Variants in MACROD2 observed in about 807,000 individuals in gnomAD.
MACROD2 encodes the protein mono-ADP ribosylhydrolase 2, also known as ADP-ribose glycohydrolase MACROD2.
Under a neutral mutation model 70.4 loss-of-function variants are expected in MACROD2, and 36 were observed. The observed-to-expected ratio is 0.51, with a 90% confidence interval of 0.39 to 0.68. MACROD2 has a LOEUF of 0.68. MACROD2 is among the 30% of genes least tolerant of loss of function. The pLI is 0.00. For missense variants in MACROD2, 496 were observed against 538.4 expected (o/e 0.92, Z 0.78); for synonymous variants, 172 against 178.8 (o/e 0.96, Z 0.30).
rs549223692 is a variant in MACROD2 at position 15,230,431 on chromosome 20, A to G, written c.540+370A>G. Among the ~76,000 whole-genome samples, 3 of 152,218 alleles carry G rather than the reference A, an allele frequency of 2.0e-5. No homozygotes were observed. In the East Asian group the frequency reaches 5.8e-4, roughly 29 times the overall value. On this transcript the variant is annotated intron_variant, in intron 6 of 17. Transcript: ENST00000684519. ...TTATGATAGCGCACATTTAATATAT[A>G]TTGGTTGTATGCTTGTGCATTCTGG...
At chr20:14,427,185 G>A (rs1423106752) in intron 3 of MACROD2, among the ~76,000 whole-genome samples, 6 of 150,154 alleles carry the variant, frequency 4.0e-5, no homozygotes, top group South Asian at 2.1e-4. Flanking sequence ...GATTTTATTC[G>A]TCCTCTGTCT....
chr20:14,075,080 A>G (rs1342839839), intron 2 of MACROD2, among the ~76,000 whole-genome samples: 6 of 152,172 alleles, frequency 3.9e-5, no homozygotes, highest in African/African-American at 1.2e-4. Flanking sequence ...GCCCCAAAGC[A>G]CAAGAGTAGT....
chr20:14,883,051 TG>T (rs1386224603), intron 5 of MACROD2, among the ~76,000 whole-genome samples: 1 of 152,200 alleles, frequency 6.6e-6, no homozygotes, highest in African/African-American at 2.4e-5. Flanking sequence ...TGAGTAATGA[TG>T]GTAATACTGT....
At chr20:14,461,392 AT>A (rs1194645533) in intron 3 of MACROD2, among the ~76,000 whole-genome samples, 5 of 151,370 alleles carry the variant, frequency 3.3e-5, no homozygotes, top group African/African-American at 1.2e-4. Context: ...GGATTCACTG[AT>A]TTTTTTGAAG....
chr20:14,242,763 C>T (rs779521421), intron 3 of MACROD2, among the ~76,000 whole-genome samples: 2 of 152,028 alleles, frequency 1.3e-5, no homozygotes, highest in African/African-American at 4.8e-5. Flanking sequence ...TTTTCTATTG[C>T]AAGCAAATAA....
intron 4 of MACROD2, among the ~76,000 whole-genome samples, chr20:14,557,288 G>T (rs915089665): frequency 2.0e-5 from 3 of 151,896 alleles, no homozygotes; most frequent in Non-Finnish European, 4.4e-5. Flanking sequence ...GAAAGCATAG[G>T]TGTAAAATTC....
chr20:15,614,150 C>A (rs1260274092), intron 8 of MACROD2, among the ~76,000 whole-genome samples: 1 of 152,186 alleles, frequency 6.6e-6, no homozygotes, highest in Non-Finnish European at 1.5e-5. Flanking sequence ...TTAATTACTT[C>A]CATATTCTGT....
At chr20:14,142,578 A>C (rs1472369870) in intron 3 of MACROD2, among the ~76,000 whole-genome samples, 1 of 152,154 alleles carries the variant, frequency 6.6e-6, no homozygotes, top group African/African-American at 2.4e-5. Context: ...CTGCCACCAC[A>C]CTTATTATTT....
chr20:15,908,807 G>A (rs1188990737), intron 10 of MACROD2, among the ~76,000 whole-genome samples: 1 of 152,176 alleles, frequency 6.6e-6, no homozygotes, highest in African/African-American at 2.4e-5. Context: ...ACTAAGCCAA[G>A]CATCTTATAC....
intron 3 of MACROD2, among the ~76,000 whole-genome samples, chr20:14,137,485 T>C (rs1256166383): frequency 6.6e-6 from 1 of 152,118 alleles, no homozygotes; most frequent in East Asian, 1.9e-4. Context: ...GGTCTAGAGG[T>C]GATTAACTAT....
chr20:14,889,221 T>C (rs2073719839), intron 5 of MACROD2, among the ~76,000 whole-genome samples: 1 of 152,164 alleles, frequency 6.6e-6, no homozygotes, highest in Non-Finnish European at 1.5e-5. Context: ...TTATTCAGTG[T>C]ATACTACTGG....
intron 5 of MACROD2, among the ~76,000 whole-genome samples, chr20:14,701,578 C>T (rs577662271): frequency 1.3e-5 from 2 of 152,258 alleles, no homozygotes; most frequent in South Asian, 4.1e-4. Context: ...GAGGTTTTAA[C>T]TTATTAGTTA....
chr20:16,038,077 G>C (rs2067258609), intron 15 of MACROD2, among the ~76,000 whole-genome samples: 1 of 151,020 alleles, frequency 6.6e-6, no homozygotes, highest in Non-Finnish European at 1.5e-5. Context: ...AGATGTCATT[G>C]CATCATCTCT....
intron 8 of MACROD2, among the ~76,000 whole-genome samples, chr20:15,692,331 C>G (rs1480589164): frequency 3.9e-5 from 6 of 152,178 alleles, no homozygotes; most frequent in Non-Finnish European, 1.5e-5. Flanking sequence ...GCATGCCTGT[C>G]TTTCCCAGGC....
chr20:15,305,857 A>G (rs1399723488), intron 6 of MACROD2, among the ~76,000 whole-genome samples: 1 of 152,190 alleles, frequency 6.6e-6, no homozygotes, highest in Non-Finnish European at 1.5e-5. Flanking sequence ...TTTTGAATGT[A>G]ATGGTCTAAC....
chr20:15,777,034 C>A (rs1405884713), intron 8 of MACROD2, among the ~76,000 whole-genome samples: 1 of 152,086 alleles, frequency 6.6e-6, no homozygotes, highest in African/African-American at 2.4e-5. Flanking sequence ...TGAAATTCGG[C>A]TCATTGTGAT....
intron 6 of MACROD2, among the ~76,000 whole-genome samples, chr20:15,415,014 A>G (rs1166727607): frequency 6.6e-6 from 1 of 152,192 alleles, no homozygotes; most frequent in Non-Finnish European, 1.5e-5. Flanking sequence ...AGAAGTTTAG[A>G]TGATGCTTGG....
chr20:15,622,621 C>A (rs963699506), intron 8 of MACROD2, among the ~76,000 whole-genome samples: 1 of 152,160 alleles, frequency 6.6e-6, no homozygotes, highest in East Asian at 1.9e-4. Flanking sequence ...CTACTCAGAA[C>A]AGTGTGCAAT....
At chr20:14,340,225 G>A (rs1181772446) in intron 3 of MACROD2, among the ~76,000 whole-genome samples, 1 of 152,192 alleles carries the variant, frequency 6.6e-6, no homozygotes, top group African/African-American at 2.4e-5. Context: ...CAGGGTAGAG[G>A]ACAACCAGTG....
Sources: gnomAD v4.1 joint callset for allele counts (sites outside exome capture counted in the v4.1 genomes callset) on GRCh38, gnomAD v4.1.1 for gene constraint, MANE v1.5 for transcripts, NCBI Gene and HGNC (gene_info 2026-07-23, HGNC 2026-07-21) for gene names.